Variants in NLRP4 observed in about 807,000 individuals in gnomAD.
NLRP4 encodes the protein NLR family pyrin domain containing 4, also known as NACHT, LRR and PYD domains-containing protein 4.
In NLRP4, 44 loss-of-function variants were observed where a neutral mutation model predicts 84.7. The ratio of observed to expected loss-of-function variants is 0.52; its 90% CI spans 0.41 to 0.67. The LOEUF is 0.67. Among genes scored for constraint, NLRP4 ranks in the 30% least tolerant of loss-of-function variants. The pLI is 0.00. For synonymous variants in NLRP4, 544 were observed against 476.4 expected (o/e 1.14, Z -1.85); for missense variants, 1,260 against 1,219.4 (o/e 1.03, Z -0.50).
chr19:55,859,279 TCTC>T, intron 3 of NLRP4, 30 bp downstream of exon 3: 1 of 1,543,318 alleles, frequency 6.5e-7, no homozygotes, highest in Non-Finnish European at 8.8e-7. Context: ...TTTTCTCTCT[TCTC>T]AGAATCTGTC....
chr19:55,850,972 TGGCTGCGGTGTAATTTACGA>T (rs1984100696), intron 1 of NLRP4, among the ~76,000 whole-genome samples: 5 of 60,822 alleles, frequency 8.2e-5, no homozygotes, highest in Non-Finnish European at 1.1e-4. Context: ...GTAATGTCCG[TGGCTGCGGTGTAATTTACGA>T]GGCTGCGGTG....
At chr19:55,851,700 GGTGT>G in intron 1 of NLRP4, among the ~76,000 whole-genome samples, 1 of 109,304 alleles carries the variant, frequency 9.1e-6, no homozygotes, top group Non-Finnish European at 2.3e-5. Flanking sequence ...CCGAGGCTGC[GGTGT>G]AATGTCCGAG....
rs768901163 is a variant in NLRP4, at chr19:55,857,920, A to G, written c.527A>G (p.Lys176Arg). 76 of 1,614,062 alleles carry G rather than the reference A, an allele frequency of 4.7e-5. No homozygotes were observed. The Admixed American group carries it at 1.2e-3, about 27-fold the overall frequency. The change falls in exon 3 of 10, where the codon AAG becomes AGG. Residue 176 changes from lysine to arginine, a missense_variant. Physicochemically the swap from Lys to Arg is conservative, Grantham distance 26. This residue lies in a region of NLRP4 where 712 missense variants were observed against 669.2 expected (regional missense o/e 1.06). Transcript: ENST00000301295. ...MKLMMAWSDN[K>R]IFRDRFLYTF... ...CTGATGATGGCCTGGTCGGACAACA[A>G]GATCTTTCGGGATAGGTTCCTGTAC...
intron 1 of NLRP4, among the ~76,000 whole-genome samples, chr19:55,850,688 T>C (rs534868887): frequency 1.8e-4 from 22 of 122,126 alleles, no homozygotes; most frequent in East Asian, 1.1e-3. Flanking sequence ...CGGTGTAATG[T>C]CCGTGGCTGC....
At position 55,858,621 on chromosome 19, in the gene NLRP4, G is replaced by A. The variant is rs1164933028; in HGVS notation, c.1228G>A (p.Asp410Asn). 1.2e-6 allele frequency: 2 copies of A among 1,614,226 alleles called. No homozygotes were observed. The highest frequency in any genetic ancestry group is 1.7e-6 in the Non-Finnish European group (2 of 1,180,052). ...CSLAAEGMWT[D>N]TFEFCEDDLR... ...CCTGGCTGCAGAGGGTATGTGGACA[G>A]ACACATTTGAGTTTTGTGAAGACGA... is the stretch of plus-strand genomic sequence containing the variant. Residue 410 changes from aspartate (D) to asparagine (N), a missense_variant, in exon 3 of 10, where the codon GAC (aspartate) becomes AAC (asparagine). Transcript: ENST00000301295. The surrounding 1 kb of genome is among the most constrained non-coding windows in gnomAD (Gnocchi z 4.2).
At chr19:55,872,076 CT>C (rs1393128545) in intron 7 of NLRP4, among the ~76,000 whole-genome samples, 1 of 152,046 alleles carries the variant, frequency 6.6e-6, no homozygotes, top group Non-Finnish European at 1.5e-5. Flanking sequence ...TCTCAATCTC[CT>C]GATCTCGTGA....
chr19:55,879,203 C>T (rs1019093976), intron 9 of NLRP4, among the ~76,000 whole-genome samples: 1 of 152,090 alleles, frequency 6.6e-6, no homozygotes, highest in Non-Finnish European at 1.5e-5. Flanking sequence ...TGGGGTAACA[C>T]CCGAGGTTCA....
rs370158529 is a variant in NLRP4, at chr19:55,858,557, G to A, written c.1164G>A (p.Pro388=). ...TCACACCTGAGGGTGCCGAGGGCCC[G>A]ACTCCGCAAACCCAGCACCAGCTGA... The part of the protein sequence containing the change: ...NLFTPEGAEG[P]TPQTQHQLKA... The change falls in exon 3 of 10, where the codon CCG becomes CCA. Residue 388 remains proline, a synonymous_variant. Coordinates refer to ENST00000301295, the MANE Select transcript of NLRP4 (RefSeq NM_134444.5). The surrounding 1 kb of genome is among the most constrained non-coding windows in gnomAD (Gnocchi z 4.2). 41 of 1,614,074 alleles carry A rather than the reference G, an allele frequency of 2.5e-5. No individual in the cohort carries two copies. Among genetic ancestry groups the A allele is most frequent in the South Asian group, 1.2e-4 (11 of 91,056 alleles).
chr19:55,838,952 C>G (rs1419886583), intron 1 of NLRP4, among the ~76,000 whole-genome samples: 3 of 141,428 alleles, frequency 2.1e-5, no homozygotes, highest in Non-Finnish European at 4.4e-5. Flanking sequence ...TTACACTAAG[C>G]CTGTTTTTTT....
At chr19:55,876,570 C>A (rs945648646) in intron 7 of NLRP4, among the ~76,000 whole-genome samples, 1 of 151,962 alleles carries the variant, frequency 6.6e-6, no homozygotes. Flanking sequence ...ACCATTTTGG[C>A]CAGGCTGGTC....
chr19:55,857,815 C>T lies in NLRP4; in HGVS notation c.422C>T (p.Pro141Leu), dbSNP rs1451880343. 1.8e-5 allele frequency: 29 copies of T among 1,613,920 alleles called. No homozygotes were observed. Among genetic ancestry groups the T allele is most frequent in the African/African-American group, 2.7e-5 (2 of 74,898 alleles). ...ECDHLDRLFA[P>L]KEAGKQPRTV... is the part of the protein sequence containing the mutation. ...GACCATTTGGACCGCCTTTTTGCTC[C>T]CAAGGAAGCTGGGAAACAGCCACGT... The change falls in exon 3 of 10, where the codon CCC becomes CTC. Residue 141 changes from proline (P) to leucine (L), a missense_variant. Coordinates refer to ENST00000301295, the MANE Select transcript of NLRP4 (RefSeq NM_134444.5).
At chr19:55,862,735 G>A (rs1984810785) in intron 5 of NLRP4, among the ~76,000 whole-genome samples, 1 of 151,452 alleles carries the variant, frequency 6.6e-6, no homozygotes, top group South Asian at 2.1e-4. Flanking sequence ...TATAGCGTAA[G>A]TCTCTGTTTA....
chr19:55,869,187 T>C (rs1985075895), intron 6 of NLRP4, among the ~76,000 whole-genome samples: 2 of 151,884 alleles, frequency 1.3e-5, no homozygotes, highest in Non-Finnish European at 2.9e-5. Context: ...ACCCCGTCTC[T>C]ACTAAAAATA....
In NLRP4 at chr19:55,852,257, G is replaced by C. The variant is rs774005520; in HGVS notation, c.177G>C (p.Leu59Phe). Residue 59 changes from leucine to phenylalanine, a missense_variant, in exon 2 of 10, where the codon TTG becomes TTC. Leu to Phe is a conservative substitution (Grantham distance 22). Around this residue, in one of 3 missense-constraint regions of NLRP4, gnomAD observed 712 missense variants for 669.2 expected, o/e 1.06. Coordinates refer to ENST00000301295, the MANE Select transcript of NLRP4 (RefSeq NM_134444.5). ...KASREELANL[L>F]IKHYEEQQAW... ...CCCGGGAAGAACTTGCAAACCTCTT[G>C]ATCAAGCACTATGAAGAACAACAAG... The C allele has an allele frequency of 1.2e-6, 2 of 1,608,584 alleles. No homozygotes were observed. Among genetic ancestry groups the C allele is most frequent in the Non-Finnish European group, 8.5e-7 (1 of 1,178,238 alleles).
Position 55,858,188 on chromosome 19 carries a change from G to C in NLRP4, c.795G>C (p.Leu265=), listed in dbSNP as rs1348463940. ...TGCAGGTGCTTCTGAGCAGTTTGCT[G>C]AGGAAGAAGATGCTCCCGGAGGCCT... The part of the protein sequence containing the change: ...RPVQVLLSSL[L]RKKMLPEASL... The change falls in exon 3 of 10, where the codon CTG becomes CTC. Residue 265 remains leucine (L), a synonymous_variant. Coordinates refer to ENST00000301295, the MANE Select transcript of NLRP4 (RefSeq NM_134444.5). The surrounding 1 kb of genome is among the most constrained non-coding windows in gnomAD (Gnocchi z 4.2). 2 of 1,614,184 alleles carry C rather than the reference G, an allele frequency of 1.2e-6. No individual in the cohort carries two copies. The highest frequency in any genetic ancestry group is 1.7e-6 in the Non-Finnish European group (2 of 1,180,050).
intron 1 of NLRP4, among the ~76,000 whole-genome samples, chr19:55,850,054 G>GACTGCGGTGGGATTTCCGTGA (rs1568658477): frequency 9.3e-6 from 1 of 107,716 alleles, no homozygotes; most frequent in African/African-American, 6.2e-5. Flanking sequence ...GATTTCCGTA[G>GACTGCGGTGGGATTTCCGTGA]CTGCGGTGGA....
chr19:55,864,669 C>T (rs1344912073), intron 5 of NLRP4, among the ~76,000 whole-genome samples: 1 of 152,186 alleles, frequency 6.6e-6, no homozygotes. Context: ...TTCTGTATTC[C>T]TACCAGCAAT....
chr19:55,875,057 T>C (rs932100061), intron 7 of NLRP4, among the ~76,000 whole-genome samples: 1 of 152,184 alleles, frequency 6.6e-6, no homozygotes, highest in Admixed American at 6.5e-5. Context: ...AATTAAGACA[T>C]ACAATTCTTG....
At chr19:55,843,099 C>T (rs1018400570) in intron 1 of NLRP4, among the ~76,000 whole-genome samples, 5 of 152,146 alleles carry the variant, frequency 3.3e-5, no homozygotes, top group African/African-American at 1.2e-4. Context: ...AGACTTGAGT[C>T]AGCAGCTATT....
Sources: allele counts gnomAD v4.1 joint callset (sites outside exome capture counted in the v4.1 genomes callset), GRCh38; gene constraint gnomAD v4.1.1; regional missense constraint gnomAD v4.1.1; non-coding constraint Gnocchi (gnomAD v3.1); transcripts MANE v1.5; gene names NCBI Gene and HGNC (gene_info 2026-07-23, HGNC 2026-07-21).